Variants in TMX1 observed in about 807,000 individuals in gnomAD.
TMX1 encodes thioredoxin-related transmembrane protein 1.
A neutral mutation model predicts 36.6 loss-of-function variants in TMX1; 25 were observed. The observed-to-expected ratio is 0.68, with a 90% CI of 0.50 to 0.95. The LOEUF (loss-of-function observed/expected upper bound fraction) is 0.95, where lower values mean the gene tolerates loss of function less well. Among genes scored for constraint, TMX1 ranks in the 40% least tolerant of loss-of-function variants. The pLI is 0.00. For synonymous variants in TMX1, 133 were observed against 118.0 expected, an observed-to-expected ratio of 1.13 and a Z score of -0.82; for missense variants, 347 against 339.6, an observed-to-expected ratio of 1.02 and a Z score of -0.17.
At position 51,254,489 on chromosome 14, in the gene TMX1, G is replaced by A; in HGVS notation, c.813G>A (p.Leu271=). The A allele has an allele frequency of 6.2e-7, 1 of 1,603,872 alleles. No individual in the cohort carries two copies. The highest frequency in any genetic ancestry group is 8.5e-7 in the Non-Finnish European group (1 of 1,177,306). ...AGAATGCCATAAGACAACGCTCTCT[G>A]GGTCCATCATTGGCCACAGATAAAT... ...FPQNAIRQRS[L]GPSLATDKS The change falls in exon 8 of 8, where the codon CTG becomes CTA. Residue 271 remains leucine (L), a synonymous_variant. Coordinates refer to ENST00000457354, the MANE Select transcript of TMX1 (RefSeq NM_030755.5).
intron 4 of TMX1, among the ~76,000 whole-genome samples, chr14:51,249,056 A>G (rs1011739046): frequency 1.1e-4 from 17 of 152,178 alleles, no homozygotes; most frequent in Non-Finnish European, 1.5e-5. Flanking sequence ...CATCAGATGA[A>G]ATACAAAATA....
At chr14:51,245,423 C>T in intron 3 of TMX1, 65 bp downstream of exon 3, 1 of 1,600,076 alleles carries the variant, frequency 6.2e-7, no homozygotes. Context: ...AAGTAGTAGG[C>T]CTCTGGCTTG....
intron 7 of TMX1, among the ~76,000 whole-genome samples, chr14:51,251,637 C>G (rs1263270931): frequency 6.6e-6 from 1 of 152,162 alleles, no homozygotes; most frequent in Non-Finnish European, 1.5e-5. Flanking sequence ...CAAGAGTTTA[C>G]TTTGGGAGTC....
In TMX1 at chr14:51,245,378, A is replaced by C. The variant is rs369206359; in HGVS notation, c.314+20A>C. On this transcript the variant is annotated intron_variant, in intron 3 of 7. Transcript: ENST00000457354. ...TTATCAGTAAGTATTTGAAGATTCTAAATTATGGAGAAGGATGCATTATAG... is the reference window on the plus strand; with the variant it reads ...TTATCAGTAAGTATTTGAAGATTCTCAATTATGGAGAAGGATGCATTATAG... 1.9e-6 allele frequency: 3 copies of C among 1,613,146 alleles called. No homozygotes were observed. In the African/African-American group the frequency reaches 4.0e-5, roughly 22 times the overall value.
rs982938963 is a variant in TMX1 at position 51,254,971 on chromosome 14, G to A, written c.*452G>A. Reference sequence around the variant, plus strand: ...AAGTTTGCCCATTGTCTCAAGAAATGTGTATTTCAGTGACAATTTCGTGGT... The same window carrying A: ...AAGTTTGCCCATTGTCTCAAGAAATATGTATTTCAGTGACAATTTCGTGGT... On this transcript the variant is annotated 3_prime_UTR_variant, in exon 8 of 8. Coordinates refer to ENST00000457354, the MANE Select transcript of TMX1 (RefSeq NM_030755.5). The A allele has an allele frequency of 6.6e-6, 1 of 152,506 alleles. No individual in the cohort carries two copies. The highest frequency in any genetic ancestry group is 2.4e-5 in the African/African-American group (1 of 41,438). The allele number at this position is 152,506 out of a possible 1,614,324, so 9.4% of individuals were successfully genotyped here.
chr14:51,249,486 A>G lies in TMX1; in HGVS notation c.508A>G (p.Ile170Val), dbSNP rs1042097357. 7.5e-6 allele frequency: 12 copies of G among 1,610,448 alleles called. No individual in the cohort carries two copies. In the African/African-American group the frequency reaches 1.3e-4, roughly 18 times the overall value. Residue 170 changes from isoleucine to valine, a missense_variant, in exon 6 of 8, where the codon ATT becomes GTT. Physicochemically the swap from Ile to Val is conservative, Grantham distance 29. Transcript: ENST00000457354. ...MWIRTCHNYF[I>V]EDLGLPVWGS... ...ATTTTAGACTTGCCATAACTACTTTATTGAAGACCTTGGATTGCCAGTGTG... is the reference window on the plus strand; with the variant it reads ...ATTTTAGACTTGCCATAACTACTTTGTTGAAGACCTTGGATTGCCAGTGTG...
chr14:51,252,512 A>G (rs2139858449), intron 7 of TMX1, among the ~76,000 whole-genome samples: 1 of 152,174 alleles, frequency 6.6e-6, no homozygotes, highest in South Asian at 2.1e-4. Flanking sequence ...GCCCCTTTGG[A>G]TCATTATGAC....
chr14:51,252,597 G>C (rs1438990487), intron 7 of TMX1, among the ~76,000 whole-genome samples: 1 of 152,136 alleles, frequency 6.6e-6, no homozygotes, highest in African/African-American at 2.4e-5. Context: ...ATATGATTGT[G>C]TAATTTATTT....
intron 4 of TMX1, among the ~76,000 whole-genome samples, chr14:51,248,964 G>A (rs535471849): frequency 6.6e-6 from 1 of 152,226 alleles, no homozygotes; most frequent in African/African-American, 2.4e-5. Flanking sequence ...TTGCTTTGAA[G>A]GCTTTTAAGG....
chr14:51,245,581 A>C, intron 3 of TMX1: 1 of 1,150,178 alleles, frequency 8.7e-7, no homozygotes. Flanking sequence ...GTTGTTTTGG[A>C]AAGTGATGTT....
Position 51,240,547 on chromosome 14 carries a change from A to T in TMX1, c.152+103A>T, listed in dbSNP as rs376736797. The T allele has an allele frequency of 6.2e-4, 903 of 1,458,248 alleles. 4 individuals are homozygous for T. In the African/African-American group the frequency reaches 0.011, roughly 18 times the overall value. The allele number at this position is 1,458,248 out of a possible 1,614,324, so 90.3% of individuals were successfully genotyped here. A position where few individuals can be genotyped will look rare whatever the true frequency, so the allele number is the denominator to read the frequency against. ...CAGGCTCCCCAGGACTGCGCCTCCG[A>T]GTTGCGGAGCGAGCGTCCCCGACTT... On this transcript the variant is annotated intron_variant, in intron 1 of 7. Coordinates refer to ENST00000457354, the MANE Select transcript of TMX1 (RefSeq NM_030755.5).
At chr14:51,254,270 T>C (rs1454194638) in intron 7 of TMX1, 71 bp from the exon 8 acceptor site, 4 of 1,401,212 alleles carry the variant, frequency 2.9e-6, no homozygotes, top group Middle Eastern at 2.1e-4. Flanking sequence ...TATGAGACAT[T>C]GTATCTTGAT....
intron 7 of TMX1, chr14:51,254,113 G>A (rs1465399409): frequency 3.0e-6 from 1 of 337,280 alleles, no homozygotes. Context: ...TTATAAATAG[G>A]TGGGTAATTA....
Position 51,247,108 on chromosome 14 carries a change from T to C in TMX1, c.331T>C (p.Phe111Leu), listed in dbSNP as rs1393821090. Residue 111 changes from phenylalanine (F) to leucine (L), a missense_variant, in exon 4 of 8, where the codon TTT (phenylalanine) becomes CTT (leucine). By Grantham distance (22) the Phe-to-Leu change is conservative. Coordinates refer to ENST00000457354, the MANE Select transcript of TMX1 (RefSeq NM_030755.5). ...PTIYHCKDGE[F>L]RRYQGPRTKK... is the part of the protein sequence containing the mutation. The stretch of plus-strand genomic sequence containing the variant: ...TCTCTTTAGTTGTAAAGATGGTGAA[T>C]TTAGGCGCTATCAGGGTCCAAGGAC... The C allele has an allele frequency of 1.2e-6, 2 of 1,610,288 alleles. No individual in the cohort carries two copies. Among genetic ancestry groups the C allele is most frequent in the Non-Finnish European group, 1.7e-6 (2 of 1,178,874 alleles).
At chr14:51,249,205 A>T in intron 4 of TMX1, 121 bp from the exon 5 acceptor site, 1 of 742,642 alleles carries the variant, frequency 1.3e-6, no homozygotes, top group Non-Finnish European at 2.1e-6. Context: ...GTGATGTGTC[A>T]CTAGTCTTGA....
chr14:51,247,017 G>A (rs1337835305), intron 3 of TMX1, 75 bp from the exon 4 acceptor site: 6 of 1,345,390 alleles, frequency 4.5e-6, no homozygotes, highest in African/African-American at 4.4e-5. Context: ...ACTGTAAAGT[G>A]AAGTGAAAAA....
In TMX1 at chr14:51,240,525, G is replaced by A. The variant is rs2065755494; in HGVS notation, c.152+81G>A. 7.8e-6 allele frequency: 12 copies of A among 1,532,792 alleles called. No homozygotes were observed. In the South Asian group the frequency reaches 8.5e-5, roughly 11 times the overall value. 94.9% of individuals were successfully genotyped at this position (1,532,792 alleles called of 1,614,324 possible). Reference sequence around the variant, plus strand: ...CGCACGTTCCTCGTGCGGGTCGCAGGCTCCCCAGGACTGCGCCTCCGAGTT... The same window carrying A: ...CGCACGTTCCTCGTGCGGGTCGCAGACTCCCCAGGACTGCGCCTCCGAGTT... On this transcript the variant is annotated intron_variant, in intron 1 of 7. Coordinates refer to ENST00000457354, the MANE Select transcript of TMX1 (RefSeq NM_030755.5).
chr14:51,255,456 A>G lies in TMX1; in HGVS notation c.*937A>G, dbSNP rs576345486. ...ATTCCTGATTTTTGTCTGATGTGAA[A>G]AAGCCTTGGTATTTTACATTTTGAA... On this transcript the variant is annotated 3_prime_UTR_variant, in exon 8 of 8. Coordinates refer to ENST00000457354, the MANE Select transcript of TMX1 (RefSeq NM_030755.5). 11 of 151,798 alleles carry G rather than the reference A, an allele frequency of 7.2e-5. No homozygotes were observed. The highest frequency in any genetic ancestry group is 5.9e-4 in the Admixed American group (9 of 15,256). 9.4% of individuals were successfully genotyped at this position (151,798 alleles called of 1,614,324 possible). A position where few individuals can be genotyped will look rare whatever the true frequency, so the allele number is the denominator to read the frequency against.
chr14:51,249,288 A>T (rs1048558696), intron 4 of TMX1, 38 bp from the exon 5 acceptor site: 4 of 1,531,194 alleles, frequency 2.6e-6, no homozygotes, highest in Non-Finnish European at 3.5e-6. Context: ...AAATCTGTGT[A>T]TGTTACTCAG....
Sources: gnomAD v4.1 joint callset for allele counts (sites outside exome capture counted in the v4.1 genomes callset) on GRCh38, gnomAD v4.1.1 for gene constraint, MANE v1.5 for transcripts, NCBI Gene and HGNC (gene_info 2026-07-23, HGNC 2026-07-21) for gene names.